Variants in ABCA7 observed in about 807,000 individuals in gnomAD.
The protein encoded by ABCA7 is phospholipid-transporting ATPase ABCA7.
In ABCA7, 261 loss-of-function variants were observed where a neutral mutation model predicts 227.6. That is an observed-to-expected ratio of 1.15 (90% CI 1.04 to 1.27). ABCA7 has a LOEUF of 1.27. Ranked by LOEUF, ABCA7 falls within the 50% of genes most tolerant of loss-of-function variation. ABCA7 has a pLI of 0.00. For missense variants in ABCA7, 3,331 were observed against 2,924.5 expected, an observed-to-expected ratio of 1.14 and a Z score of -3.21; for synonymous variants, 1,488 against 1,279.7, an observed-to-expected ratio of 1.16 and a Z score of -3.47.
chr19:1,043,248 C>G lies in ABCA7; in HGVS notation c.787C>G (p.Leu263Val). Residue 263 changes from leucine (L) to valine (V), a missense_variant, in exon 8 of 47, where the codon CTG (leucine) becomes GTG (valine). Physicochemically the swap from Leu to Val is conservative, Grantham distance 32. Transcript: ENST00000263094. ...EPESALPDSS[L>V]SPACSELIGA... ...AGAATCCGCCCTGCCAGACAGCAGC[C>G]TGAGTGAGTGACTGACCTCGGTTTC... The G allele has an allele frequency of 6.2e-7, 1 of 1,607,904 alleles. No homozygotes were observed. The highest frequency in any genetic ancestry group is 8.5e-7 in the Non-Finnish European group (1 of 1,175,862).
Position 1,064,178 on chromosome 19 carries a change from C to G in ABCA7, c.5969C>G (p.Ala1990Gly). The G allele has an allele frequency of 6.3e-7, 1 of 1,575,406 alleles. No homozygotes were observed. Among genetic ancestry groups the G allele is most frequent in the Non-Finnish European group, 8.6e-7 (1 of 1,162,162 alleles). Residue 1990 changes from alanine to glycine, a missense_variant, in exon 45 of 47, where the codon GCG (alanine) becomes GGG (glycine). Coordinates refer to ENST00000263094, the MANE Select transcript of ABCA7 (RefSeq NM_019112.4). ...LTSHSMEECE[A>G]LCSRLAIMVN... is the part of the protein sequence containing the mutation. ...CCCGACAGCATGGAGGAGTGTGAAG[C>G]GCTCTGCTCGCGCCTGGCCATCATG...
chr19:1,058,489 A>G (rs2042435923), intron 37 of ABCA7, 129 bp from the exon 38 acceptor site: 2 of 1,474,036 alleles, frequency 1.4e-6, no homozygotes, highest in Non-Finnish European at 1.8e-6. Flanking sequence ...TTCTATGCCA[A>G]TTAGACTCCA....
In ABCA7 at chr19:1,043,048, C is replaced by G; in HGVS notation, c.587C>G (p.Ala196Gly). 1.9e-6 allele frequency: 3 copies of G among 1,601,248 alleles called. No homozygotes were observed. The highest frequency in any genetic ancestry group is 2.6e-6 in the Non-Finnish European group (3 of 1,171,394). Residue 196 changes from alanine to glycine, a missense_variant, in exon 8 of 47, where the codon GCG (alanine) becomes GGG (glycine). Physicochemically the swap from Ala to Gly is moderately conservative, Grantham distance 60. Transcript: ENST00000263094. ...AAEDLAQELLALRSLVELRAL... is the reference protein window; with the variant it reads ...AAEDLAQELLGLRSLVELRAL... ...CTGGTAACCTCTCTCTAGCTCCTGGCGCTGCGCAGCCTGGTGGAGCTTCGG... is the reference window on the plus strand; with the variant it reads ...CTGGTAACCTCTCTCTAGCTCCTGGGGCTGCGCAGCCTGGTGGAGCTTCGG...
chr19:1,057,751 AAGAGAG>A (rs973451110), intron 35 of ABCA7, among the ~76,000 whole-genome samples, 158 bp from the exon 36 acceptor site: 1 of 151,642 alleles, frequency 6.6e-6, no homozygotes, highest in East Asian at 1.9e-4. Flanking sequence ...AAAAGAAAGA[AAGAGAG>A]AGAAAGAGAA....
At chr19:1,047,065 C>G in intron 14 of ABCA7, 41 bp downstream of exon 14, 1 of 1,551,236 alleles carries the variant, frequency 6.4e-7, no homozygotes, top group Non-Finnish European at 8.7e-7. Flanking sequence ...AATGGGTGCG[C>G]TGGAGGGTGA....
rs1017628056 is a variant in ABCA7, at chr19:1,056,677, C to T, written c.4586+178C>T. Among the ~76,000 whole-genome samples the T allele has an allele frequency of 1.4e-4, 22 of 152,264 alleles. No individual in the cohort carries two copies. Among genetic ancestry groups the T allele is most frequent in the African/African-American group, 4.6e-4 (19 of 41,540 alleles). On this transcript the variant is annotated intron_variant, in intron 33 of 46. Transcript: ENST00000263094. The surrounding 1 kb of genome is among the most constrained non-coding windows in gnomAD (Gnocchi z 4.3). ...GGAAATGGGACCTCCTCAGACTCAG[C>T]GGGCCCCAGCCTCCCCCACACATCC...
At position 1,045,094 on chromosome 19, in the gene ABCA7, C is replaced by T. The variant is rs139361469; in HGVS notation, c.1308C>T (p.Ala436=). ...LQLLAEHRFW[A]GVVFLGPEDS... is the part of the protein sequence containing the mutation. ...TGCTCGCGGAACATCGATTCTGGGC[C>T]GGCGTCGTCTTCTTGGGACCTGAGG... The change falls in exon 12 of 47, where the codon GCC becomes GCT. Residue 436 remains alanine (A), a synonymous_variant. Transcript: ENST00000263094. 116 of 1,612,952 alleles carry T rather than the reference C, an allele frequency of 7.2e-5. 1 individual carries two copies. In the African/African-American group the frequency reaches 1.3e-3, roughly 18 times the overall value.
At position 1,054,004 on chromosome 19, in the gene ABCA7, A is replaced by G; in HGVS notation, c.3473-2A>G. ...TGACCCTGACCCCTGATGGCCCTGC[A>G]GATGGCAGCTGCGGGCAGCACCTAT... On this transcript the variant is annotated splice_acceptor_variant, in intron 25 of 46. Transcript: ENST00000263094. LOFTEE classifies it high-confidence loss of function. The surrounding 1 kb of genome is among the most constrained non-coding windows in gnomAD (Gnocchi z 4.8). The G allele has an allele frequency of 1.2e-6, 2 of 1,613,216 alleles. No individual in the cohort carries two copies. The highest frequency in any genetic ancestry group is 1.7e-6 in the Non-Finnish European group (2 of 1,179,836).
rs959580523 is a variant in ABCA7, at chr19:1,042,830, C to G, written c.579+4C>G. Reference sequence around the variant, plus strand: ...CGCTGAGGACCTGGCCCAGGAGGTACGAGGCCCCACTCATCCTCAACCCCC... The same window carrying G: ...CGCTGAGGACCTGGCCCAGGAGGTAGGAGGCCCCACTCATCCTCAACCCCC... On this transcript the variant is annotated splice_donor_region_variant and intron_variant, in intron 7 of 46. Transcript: ENST00000263094. 3 of 1,585,608 alleles carry G rather than the reference C, an allele frequency of 1.9e-6. No homozygotes were observed. The highest frequency in any genetic ancestry group is 1.7e-6 in the Non-Finnish European group (2 of 1,167,392).
intron 22 of ABCA7, 39 bp from the exon 23 acceptor site, chr19:1,052,175 C>T (rs377295021): frequency 2.4e-5 from 39 of 1,600,276 alleles, no homozygotes; most frequent in Non-Finnish European, 3.1e-5. Context: ...CTCTGTTCAG[C>T]CCTGAAGGCC....
chr19:1,043,936 A>AATT, intron 10 of ABCA7, 95 bp downstream of exon 10: 3 of 841,390 alleles, frequency 3.6e-6, no homozygotes, highest in Non-Finnish European at 3.5e-6. Context: ...GCAGACCCCC[A>AATT]CTTTTTTTTT....
chr19:1,060,207 A>ATATATATATATATT, intron 40 of ABCA7, among the ~76,000 whole-genome samples: 8 of 96,766 alleles, frequency 8.3e-5, no homozygotes, highest in African/African-American at 2.8e-4. Context: ...ATATATATAT[A>ATATATATATATATT]TTTTTTTTTC....
intron 42 of ABCA7, 79 bp from the exon 43 acceptor site, chr19:1,063,465 T>A (rs1278016463): frequency 7.1e-6 from 11 of 1,543,358 alleles, no homozygotes; most frequent in Non-Finnish European, 9.6e-6. Context: ...CCACACTCAA[T>A]GCTGGCCCCG....
At chr19:1,059,823 A>C (rs1165214534) in intron 40 of ABCA7, among the ~76,000 whole-genome samples, 1 of 149,754 alleles carries the variant, frequency 6.7e-6, no homozygotes, top group Admixed American at 6.6e-5. Flanking sequence ...CAGCCTCCCA[A>C]AGTGCTGGGA....
At chr19:1,050,832 T>A (rs561988311) in intron 18 of ABCA7, 89 bp from the exon 19 acceptor site, 221 of 982,294 alleles carry the variant, frequency 2.2e-4, no homozygotes, top group South Asian at 8.8e-4. Flanking sequence ...TAATTAAAAA[T>A]TTTTTAAAAA....
rs1054104508 is a variant in ABCA7, at chr19:1,053,399, C to T, written c.3291C>T (p.His1097=). 1.7e-5 allele frequency: 28 copies of T among 1,608,062 alleles called. No individual in the cohort carries two copies. Among genetic ancestry groups the T allele is most frequent in the Non-Finnish European group, 2.2e-5 (26 of 1,178,882 alleles). ...PGARLVEELP[H]ELVLVLPYTG... is the part of the protein sequence containing the mutation. ...CACGGCTGGTGGAGGAGCTGCCACA[C>T]GAGCTGGTGCTGGTGCTGCCCTACA... is the stretch of plus-strand genomic sequence containing the variant. Residue 1097 remains histidine, a synonymous_variant, in exon 24 of 47, where the codon CAC becomes CAT. Coordinates refer to ENST00000263094, the MANE Select transcript of ABCA7 (RefSeq NM_019112.4).
chr19:1,058,356 A>G, intron 37 of ABCA7, 87 bp downstream of exon 37: 1 of 1,542,010 alleles, frequency 6.5e-7, no homozygotes, highest in Non-Finnish European at 8.7e-7. Context: ...GTGGAGAAAA[A>G]CAGCCCCCCA....
In ABCA7 at chr19:1,041,682, G is replaced by A; in HGVS notation, c.160+79G>A. ...TCACCCGTGCACAGGAATCCCCCGT[G>A]CATGTCAGGGAGCCTTCACCAGGCC... On this transcript the variant is annotated intron_variant, in intron 3 of 46. Coordinates refer to ENST00000263094, the MANE Select transcript of ABCA7 (RefSeq NM_019112.4). 2.5e-6 allele frequency: 4 copies of A among 1,574,810 alleles called. No homozygotes were observed. In the South Asian group the frequency reaches 3.3e-5, roughly 13 times the overall value.
chr19:1,041,508 A>G lies in ABCA7; in HGVS notation c.67-2A>G. ...CACCGTCTCCCACCTATTCTCCCCCAGGTCCAGCTCCTGGTCGAATTGCTG... is the reference window on the plus strand; with the variant it reads ...CACCGTCTCCCACCTATTCTCCCCCGGGTCCAGCTCCTGGTCGAATTGCTG... On this transcript the variant is annotated splice_acceptor_variant, in intron 2 of 46. Coordinates refer to ENST00000263094, the MANE Select transcript of ABCA7 (RefSeq NM_019112.4). LOFTEE classifies it high-confidence loss of function. 1 of 1,613,636 alleles carries G rather than the reference A, an allele frequency of 6.2e-7. No homozygotes were observed. The highest frequency in any genetic ancestry group is 1.1e-5 in the South Asian group (1 of 91,082).
Sources: gnomAD v4.1 joint callset for allele counts (sites outside exome capture counted in the v4.1 genomes callset) on GRCh38, gnomAD v4.1.1 for gene constraint, Gnocchi (gnomAD v3.1) non-coding constraint, MANE v1.5 for transcripts, NCBI Gene and HGNC (gene_info 2026-07-23, HGNC 2026-07-21) for gene names.